CASP2: variants seen among roughly 807,000 people sequenced by gnomAD.
CASP2 encodes the protein caspase 2.
In CASP2, 38 loss-of-function variants were observed where a neutral mutation model predicts 54.4. The ratio of observed to expected loss-of-function variants is 0.70; its 90% CI spans 0.54 to 0.92. The LOEUF is 0.92. Ranked by LOEUF, CASP2 falls within the 40% of genes least tolerant of loss-of-function variation. The probability of loss-of-function intolerance (pLI) is 0.00; values close to 1 mark genes in which losing one functional copy is unlikely to be tolerated. For missense variants in CASP2, 512 were observed against 579.6 expected, an observed-to-expected ratio of 0.88 and a Z score of 1.20; for synonymous variants, 215 against 216.3, an observed-to-expected ratio of 0.99 and a Z score of 0.05.
Position 143,305,650 on chromosome 7 carries a change from G to GA in CASP2, c.*579_*580insA. ...TGTGCGTTCCCTTCAGTACTGCAGCGCCACCCAGTGGAAGGACACTCTTGG... is the reference window on the plus strand; with the variant it reads ...TGTGCGTTCCCTTCAGTACTGCAGCGACCACCCAGTGGAAGGACACTCTTGG... On this transcript the variant is annotated 3_prime_UTR_variant, in exon 11 of 11. Coordinates refer to ENST00000310447, the MANE Select transcript of CASP2 (RefSeq NM_032982.4). 2 of 171,684 alleles carry GA rather than the reference G, an allele frequency of 1.2e-5. No homozygotes were observed. The highest frequency in any genetic ancestry group is 2.6e-5 in the Non-Finnish European group (2 of 78,152). 10.6% of individuals were successfully genotyped at this position (171,684 alleles called of 1,614,324 possible).
At chr7:143,290,055 CTTTTT>C (rs35440867) in intron 1 of CASP2, among the ~76,000 whole-genome samples, 1 of 114,522 alleles carries the variant, frequency 8.7e-6, no homozygotes, top group African/African-American at 3.7e-5. Context: ...TTTTCCCTCC[CTTTTT>C]TTTTTTTTTT....
intron 7 of CASP2, 41 bp from the exon 8 acceptor site, chr7:143,300,163 T>A: frequency 6.2e-7 from 1 of 1,613,122 alleles, no homozygotes; most frequent in South Asian, 1.1e-5. Context: ...GAGGCCCCGC[T>A]GAATGCTTAA....
rs4647340 is a variant in CASP2 at position 143,305,389 on chromosome 7, C to T, written c.*318C>T. 1,719 of 442,218 alleles carry T rather than the reference C, an allele frequency of 3.9e-3. 21 individuals carry two copies. The highest frequency in any genetic ancestry group is 0.032 in the African/African-American group (1,590 of 50,162). 27.4% of individuals were successfully genotyped at this position (442,218 alleles called of 1,614,324 possible). A position where few individuals can be genotyped will look rare whatever the true frequency, so the allele number is the denominator to read the frequency against. On this transcript the variant is annotated 3_prime_UTR_variant, in exon 11 of 11. Transcript: ENST00000310447. ...ATGGGGAGAGGGCATATAAATTCCCCATATTTGTGTTCAGTTCCAGCTTTT... is the reference window on the plus strand; with the variant it reads ...ATGGGGAGAGGGCATATAAATTCCCTATATTTGTGTTCAGTTCCAGCTTTT...
At chr7:143,300,639 G>C (rs185135927) in intron 8 of CASP2, 1 of 1,294,892 alleles carries the variant, frequency 7.7e-7, no homozygotes, top group Non-Finnish European at 9.9e-7. Context: ...TTCCAGTTAC[G>C]GATTTTTGAT....
At chr7:143,292,921 G>A (rs1178567531) in intron 4 of CASP2, among the ~76,000 whole-genome samples, 1 of 152,122 alleles carries the variant, frequency 6.6e-6, no homozygotes, top group Non-Finnish European at 1.5e-5. Context: ...TGGGGCAGGA[G>A]AATTGCTAGA....
At position 143,300,304 on chromosome 7, in the gene CASP2, C is replaced by A. The variant is rs745428846; in HGVS notation, c.967+10C>A. The A allele has an allele frequency of 6.2e-7, 1 of 1,613,264 alleles. No homozygotes were observed. The highest frequency in any genetic ancestry group is 1.7e-5 in the Admixed American group (1 of 60,026). ...CAGGCCTGCCGTGGAGGTGAGTGCC[C>A]TAGCAGACCAGCACCTGGGTGGTGG... is the stretch of plus-strand genomic sequence containing the variant. On this transcript the variant is annotated intron_variant, in intron 8 of 10. Coordinates refer to ENST00000310447, the MANE Select transcript of CASP2 (RefSeq NM_032982.4).
intron 4 of CASP2, 75 bp from the exon 5 acceptor site, chr7:143,294,155 C>G (rs988410274): frequency 7.0e-6 from 6 of 859,108 alleles, no homozygotes; most frequent in African/African-American, 6.6e-5. Context: ...CAAGAGATGT[C>G]TGAAGTTACA....
At position 143,294,791 on chromosome 7, in the gene CASP2, A is replaced by C. The variant is rs774154234; in HGVS notation, c.747+18A>C. 8.1e-6 allele frequency: 13 copies of C among 1,608,258 alleles called. No individual in the cohort carries two copies. The East Asian group carries it at 2.9e-4, about 36-fold the overall frequency. ...CTGCACAGGTACCTGAGGTGGGAAA[A>C]ATTGACATGTAAATTAGAGGACTGA... is the stretch of plus-strand genomic sequence containing the variant. On this transcript the variant is annotated intron_variant, in intron 6 of 10. Transcript: ENST00000310447.
At chr7:143,298,465 T>A (rs1801821091) in intron 6 of CASP2, 1 of 152,188 alleles carries the variant, frequency 6.6e-6, no homozygotes, top group African/African-American at 2.4e-5. Flanking sequence ...ACCAAATGCT[T>A]AAGGTAGTGC....
At chr7:143,293,724 C>T (rs762251046) in intron 4 of CASP2, among the ~76,000 whole-genome samples, 65 of 151,546 alleles carry the variant, frequency 4.3e-4, no homozygotes, top group Non-Finnish European at 8.7e-4. Flanking sequence ...CTCCTGACCT[C>T]GTGATCTGCC....
chr7:143,293,442 A>G (rs912738346), intron 4 of CASP2, among the ~76,000 whole-genome samples: 4 of 151,352 alleles, frequency 2.6e-5, no homozygotes, highest in Non-Finnish European at 4.4e-5. Context: ...CATAGTTTAT[A>G]TTGGGAACAG....
At chr7:143,304,619 G>C in intron 9 of CASP2, 55 bp from the exon 10 acceptor site, 1 of 1,305,852 alleles carries the variant, frequency 7.7e-7, no homozygotes, top group Non-Finnish European at 1.1e-6. Flanking sequence ...TCTAGTTTGG[G>C]AAGTGCAGCT....
chr7:143,291,842 G>A (rs575202439), intron 2 of CASP2, 152 bp downstream of exon 2: 37 of 644,188 alleles, frequency 5.7e-5, no homozygotes, highest in East Asian at 2.3e-4. Context: ...ACAATGGCGC[G>A]ATCTTGGCTC....
At position 143,304,767 on chromosome 7, in the gene CASP2, C is replaced by G; in HGVS notation, c.1211C>G (p.Ala404Gly). ...FSERACDMHV[A>G]DMLVKVNALI... The stretch of plus-strand genomic sequence containing the variant: ...GAGCGGGCTTGTGATATGCACGTGG[C>G]CGACATGCTGGTTAAGGTGAGCCAG... Residue 404 changes from alanine to glycine, a missense_variant, in exon 10 of 11, where the codon GCC (alanine) becomes GGC (glycine). Physicochemically the swap from Ala to Gly is moderately conservative, Grantham distance 60. Around this residue, in one of 3 missense-constraint regions of CASP2, gnomAD observed 417 missense variants for 495.4 expected, o/e 0.84. Transcript: ENST00000310447. 1.9e-6 allele frequency: 3 copies of G among 1,613,976 alleles called. No individual in the cohort carries two copies. The highest frequency in any genetic ancestry group is 2.5e-6 in the Non-Finnish European group (3 of 1,179,852).
At chr7:143,301,516 A>G (rs1801917253) in intron 8 of CASP2, 1 of 152,234 alleles carries the variant, frequency 6.6e-6, no homozygotes, top group South Asian at 2.1e-4. Context: ...AGGTGAAATT[A>G]GCAAGGTACA....
chr7:143,301,665 GTC>G (rs1295356785), intron 8 of CASP2: 3 of 152,152 alleles, frequency 2.0e-5, no homozygotes, highest in African/African-American at 4.8e-5. Flanking sequence ...AGTATCTAGA[GTC>G]TGTCGTAGGA....
chr7:143,296,014 A>G (rs1801735678), intron 6 of CASP2, among the ~76,000 whole-genome samples: 2 of 152,214 alleles, frequency 1.3e-5, no homozygotes, highest in Admixed American at 1.3e-4. Context: ...TGGTCTAGCC[A>G]TGTCTTTTAC....
intron 3 of CASP2, 21 bp downstream of exon 3, chr7:143,292,488 G>C: frequency 6.2e-7 from 1 of 1,613,710 alleles, no homozygotes; most frequent in South Asian, 1.1e-5. Context: ...TTAGTAATAT[G>C]GGGTGTTGGG....
intron 1 of CASP2, chr7:143,289,524 TC>T (rs1216957439): frequency 1.8e-6 from 1 of 543,468 alleles, no homozygotes; most frequent in East Asian, 1.5e-4. Context: ...CCAAAGGCCC[TC>T]TAAAGAAAAC....
Sources: gnomAD v4.1 joint callset for allele counts (sites outside exome capture counted in the v4.1 genomes callset) on GRCh38, gnomAD v4.1.1 for gene constraint, gnomAD v4.1.1 regional missense constraint, MANE v1.5 for transcripts, NCBI Gene and HGNC (gene_info 2026-07-23, HGNC 2026-07-21) for gene names.